The following NAA35 variants were observed in gnomAD, a reference collection of about 807,000 sequenced individuals.
NAA35 encodes the protein N-alpha-acetyltransferase 35, NatC auxiliary subunit.
A neutral mutation model predicts 101.7 loss-of-function variants in NAA35; 18 were observed. The observed-to-expected ratio is 0.18, with a 90% CI of 0.12 to 0.26. NAA35 has a LOEUF of 0.26. Among genes scored for constraint, NAA35 ranks in the 10% least tolerant of loss-of-function variants. The probability of loss-of-function intolerance (pLI) is 1.00; values close to 1 mark genes in which losing one functional copy is unlikely to be tolerated. For synonymous variants in NAA35, 267 were observed against 273.1 expected (o/e 0.98, Z 0.22); for missense variants, 601 against 886.8 (o/e 0.68, Z 4.09).
In NAA35 at chr9:86,023,305, A is replaced by G. The variant is rs777077820; in HGVS notation, c.*1345A>G. 6.6e-6 allele frequency among the ~76,000 whole-genome samples: 1 copy of G among 152,242 alleles called. No individual in the cohort carries two copies. The highest frequency in any genetic ancestry group is 1.5e-5 in the Non-Finnish European group (1 of 68,036). ...CTTCAATTATGGAGAGACAAAGAGT[A>G]TACCTGTTACTGATGTAGTTACTTT... On this transcript the variant is annotated 3_prime_UTR_variant, in exon 23 of 23. Transcript: ENST00000361671.
chr9:85,978,318 C>A lies in NAA35; in HGVS notation c.814C>A (p.Leu272Ile). ...ATTGATGGTTCAAGCAGCAGATCTT[C>A]TTTCTGCCATTCATAATTCATTGCA... ...QKLMVQAADL[L>I]SAIHNSLHHG... Residue 272 changes from leucine (L) to isoleucine (I), a missense_variant, in exon 11 of 23, where the codon CTT becomes ATT. Around this residue, in one of 8 missense-constraint regions of NAA35, gnomAD observed 190 missense variants for 223.1 expected, o/e 0.85. Coordinates refer to ENST00000361671, the MANE Select transcript of NAA35 (RefSeq NM_024635.4). 6.2e-7 allele frequency: 1 copy of A among 1,613,466 alleles called. No individual in the cohort carries two copies. Among genetic ancestry groups the A allele is most frequent in the Non-Finnish European group, 8.5e-7 (1 of 1,179,540 alleles).
At chr9:85,982,424 G>T (rs891999844) in intron 11 of NAA35, among the ~76,000 whole-genome samples, 3 of 152,098 alleles carry the variant, frequency 2.0e-5, no homozygotes, top group Non-Finnish European at 4.4e-5. Flanking sequence ...TATGTCTGTG[G>T]AAGTTTAGCT....
chr9:86,018,457 T>G, intron 20 of NAA35, 62 bp downstream of exon 20: 1 of 1,526,262 alleles, frequency 6.6e-7, no homozygotes, highest in Non-Finnish European at 8.9e-7. Flanking sequence ...AGAGAGATGC[T>G]GTTTGTACCT....
Position 85,968,178 on chromosome 9 carries a change from G to C in NAA35, c.516+5998G>C, listed in dbSNP as rs139631590. ...TTGGAGTTTCTGAACTCTTCTCTCT[G>C]GTCCAGTATTTTCTTTCTAGTTCAT... On this transcript the variant is annotated intron_variant, in intron 6 of 22. Transcript: ENST00000361671. 6.7e-3 allele frequency among the ~76,000 whole-genome samples: 1,024 copies of C among 152,058 alleles called. 37 individuals carry two copies. Among genetic ancestry groups the C allele is most frequent in the Admixed American group, 0.056 (861 of 15,260 alleles).
intron 12 of NAA35, among the ~76,000 whole-genome samples, chr9:86,000,655 A>G (rs375713989): frequency 3.3e-5 from 5 of 151,986 alleles, no homozygotes; most frequent in East Asian, 3.9e-4. Context: ...GAATTTATCC[A>G]TCTCTTCTAG....
chr9:85,973,077 G>A (rs1197718753), intron 6 of NAA35, among the ~76,000 whole-genome samples: 1 of 152,172 alleles, frequency 6.6e-6, no homozygotes, highest in Non-Finnish European at 1.5e-5. Flanking sequence ...GGAATATAAG[G>A]GATGAAACCT....
intron 17 of NAA35, among the ~76,000 whole-genome samples, chr9:86,016,231 G>A (rs1019549923): frequency 6.6e-6 from 1 of 151,746 alleles, no homozygotes; most frequent in Non-Finnish European, 1.5e-5. Context: ...TATTTGCTTT[G>A]TGATTAAAAG....
At chr9:85,967,818 T>C (rs543931637) in intron 6 of NAA35, among the ~76,000 whole-genome samples, 1 of 151,892 alleles carries the variant, frequency 6.6e-6, no homozygotes, top group African/African-American at 2.4e-5. Flanking sequence ...AAAAGATTTA[T>C]AATGAGCAAA....
Position 85,942,170 on chromosome 9 carries a change from A to C in NAA35, c.11A>C (p.Lys4Thr), listed in dbSNP as rs1828549176. Reference sequence around the variant, plus strand: ...AATTTTACAGGCATAATGGTTATGAAAGCTTCTGTAGATGATGACGATTCA... The same window carrying C: ...AATTTTACAGGCATAATGGTTATGACAGCTTCTGTAGATGATGACGATTCA... MVM[K>T]ASVDDDDSGW... is the part of the protein sequence containing the mutation. The change falls in exon 2 of 23, where the codon AAA (lysine) becomes ACA (threonine). Residue 4 changes from lysine (K) to threonine (T), a missense_variant. Coordinates refer to ENST00000361671, the MANE Select transcript of NAA35 (RefSeq NM_024635.4). 6.2e-6 allele frequency: 10 copies of C among 1,613,750 alleles called. No individual in the cohort carries two copies. Among genetic ancestry groups the C allele is most frequent in the Non-Finnish European group, 8.5e-6 (10 of 1,179,956 alleles).
At chr9:85,993,023 T>C (rs1195879986) in intron 11 of NAA35, among the ~76,000 whole-genome samples, 3 of 152,022 alleles carry the variant, frequency 2.0e-5, no homozygotes, top group African/African-American at 7.3e-5. Flanking sequence ...GGATAAGTTA[T>C]GATATATCTA....
chr9:85,941,404 A>G, intron 1 of NAA35, 131 bp downstream of exon 1: 1 of 985,332 alleles, frequency 1.0e-6, no homozygotes, highest in South Asian at 4.7e-5. Flanking sequence ...GCTGCGCGTC[A>G]GGTAGGAGCG....
At chr9:85,994,365 C>G (rs1032885645) in intron 11 of NAA35, among the ~76,000 whole-genome samples, 25 of 152,160 alleles carry the variant, frequency 1.6e-4, no homozygotes, top group South Asian at 4.1e-4. Flanking sequence ...CTGAATTTCA[C>G]TGTTCTAGGT....
intron 21 of NAA35, 101 bp from the exon 22 acceptor site, chr9:86,020,788 C>T: frequency 2.5e-6 from 2 of 800,550 alleles, no homozygotes. Context: ...CGTGTTCTTA[C>T]CACTGTACTC....
At position 86,018,274 on chromosome 9, in the gene NAA35, T is replaced by C; in HGVS notation, c.1793T>C (p.Met598Thr). Residue 598 changes from methionine to threonine, a missense_variant, in exon 20 of 23, where the codon ATG (methionine) becomes ACG (threonine). Met to Thr is a moderately conservative substitution (Grantham distance 81, BLOSUM62 -1). Around this residue, in one of 8 missense-constraint regions of NAA35, gnomAD observed 90 missense variants for 108.7 expected, o/e 0.83. Coordinates refer to ENST00000361671, the MANE Select transcript of NAA35 (RefSeq NM_024635.4). ...GMFKTMVAFD[M>T]DGKVRKPKFE... ...ATTTAGACCATGGTAGCATTTGACATGGACGGCAAAGTACGTAAACCGAAG... is the reference window on the plus strand; with the variant it reads ...ATTTAGACCATGGTAGCATTTGACACGGACGGCAAAGTACGTAAACCGAAG... The C allele has an allele frequency of 6.2e-7, 1 of 1,613,340 alleles. No homozygotes were observed. Among genetic ancestry groups the C allele is most frequent in the Non-Finnish European group, 8.5e-7 (1 of 1,179,498 alleles).
intron 21 of NAA35, 88 bp downstream of exon 21, chr9:86,018,909 A>G (rs1305396788): frequency 1.3e-6 from 2 of 1,497,810 alleles, no homozygotes. Flanking sequence ...TATGAAAGTG[A>G]ACTTTAATAG....
At chr9:85,951,188 T>A (rs1426187503) in intron 2 of NAA35, among the ~76,000 whole-genome samples, 1 of 152,146 alleles carries the variant, frequency 6.6e-6, no homozygotes, top group Non-Finnish European at 1.5e-5. Flanking sequence ...AATAACATTT[T>A]TAAAAATGAG....
intron 19 of NAA35, among the ~76,000 whole-genome samples, chr9:86,017,961 G>A (rs780679300): frequency 1.3e-5 from 2 of 152,168 alleles, no homozygotes; most frequent in Non-Finnish European, 2.9e-5. Flanking sequence ...GCTCCACAAC[G>A]AATGGCTTAA....
chr9:85,941,270 G>A lies in NAA35; in HGVS notation c.-9G>A, dbSNP rs1828498250. On this transcript the variant is annotated 5_prime_UTR_variant, in exon 1 of 23. Transcript: ENST00000361671. The stretch of plus-strand genomic sequence containing the variant: ...GGCGGCGCGGGTGACCACGGGAGAA[G>A]TAGGTAGGGACCGCCCCTGCGTAGC... 1.0e-6 allele frequency: 1 copy of A among 985,764 alleles called. No homozygotes were observed. The highest frequency in any genetic ancestry group is 4.7e-5 in the South Asian group (1 of 21,342). 61.1% of individuals were successfully genotyped at this position (985,764 alleles called of 1,614,324 possible). A position where few individuals can be genotyped will look rare whatever the true frequency, so the allele number is the denominator to read the frequency against.
chr9:85,974,266 A>G (rs532626426), intron 6 of NAA35, among the ~76,000 whole-genome samples: 2 of 152,064 alleles, frequency 1.3e-5, no homozygotes, highest in African/African-American at 4.8e-5. Context: ...GCCCCTAGCT[A>G]TGTTTTTATA....
Sources: allele counts gnomAD v4.1 joint callset (sites outside exome capture counted in the v4.1 genomes callset), GRCh38; gene constraint gnomAD v4.1.1; regional missense constraint gnomAD v4.1.1; transcripts MANE v1.5; gene names NCBI Gene and HGNC (gene_info 2026-07-23, HGNC 2026-07-21).